ADAM12: variants seen among roughly 807,000 people sequenced by gnomAD.
The protein encoded by ADAM12 is ADAM metallopeptidase domain 12, also known as disintegrin and metalloproteinase domain-containing protein 12.
In ADAM12, 70 loss-of-function variants were observed where a neutral mutation model predicts 106.4. The observed-to-expected ratio is 0.66, with a 90% confidence interval of 0.54 to 0.80. ADAM12 has a LOEUF of 0.80. ADAM12 is among the 30% of genes least tolerant of loss of function. ADAM12 has a pLI of 0.00. For missense variants in ADAM12, 1,010 were observed against 1,171.9 expected (o/e 0.86, Z 2.02); for synonymous variants, 420 against 433.5 (o/e 0.97, Z 0.39).
At chr10:126,031,266 T>G (rs528344935) in intron 21 of ADAM12, among the ~76,000 whole-genome samples, 16 of 152,344 alleles carry the variant, frequency 1.1e-4, no homozygotes, top group African/African-American at 3.8e-4. Context: ...CAAATGGGTC[T>G]TCTTTTTCTC....
chr10:126,065,001 G>A lies in ADAM12; in HGVS notation c.1414C>T (p.Leu472=). 6.2e-7 allele frequency: 1 copy of A among 1,607,904 alleles called. No individual in the cohort carries two copies. Among genetic ancestry groups the A allele is most frequent in the Non-Finnish European group, 8.5e-7 (1 of 1,177,074 alleles). Residue 472 remains leucine, a splice_region_variant and synonymous_variant, in exon 14 of 23, where the codon CTG becomes TTG. Coordinates refer to ENST00000448723, the MANE Select transcript of ADAM12 (RefSeq NM_001288973.2). The stretch of plus-strand genomic sequence containing the variant: ...CTGCACGCTGTTCCTGCAGGCTTCA[G>A]CTGGAAGGAGAGGGCCATTTATGAC... The part of the protein sequence containing the change: ...AHGLCCEDCQ[L]KPAGTACRDS...
At chr10:126,277,224 G>A (rs1219225562) in intron 3 of ADAM12, among the ~76,000 whole-genome samples, 1 of 152,082 alleles carries the variant, frequency 6.6e-6, no homozygotes, top group Non-Finnish European at 1.5e-5. Flanking sequence ...CCCCTATAAT[G>A]TTCAGTTTTC....
In ADAM12 at chr10:126,108,657, C is replaced by G. The variant is rs984095456; in HGVS notation, c.677G>C (p.Arg226Thr). ...VIVADNREFQ[R>T]QGKDLEKVKQ... ...AACTTTTTCCAGATCTTTTCCTTGC[C>G]TCTGAAACTTAACAATTTTAAATGG... Residue 226 changes from arginine (R) to threonine (T), a missense_variant, in exon 8 of 23, where the codon AGG (arginine) becomes ACG (threonine). Arg to Thr is a moderately conservative substitution (Grantham distance 71). This residue lies in a region of ADAM12 where 391 missense variants were observed against 442.9 expected (regional missense o/e 0.88). Coordinates refer to ENST00000448723, the MANE Select transcript of ADAM12 (RefSeq NM_001288973.2). 1 of 1,613,798 alleles carries G rather than the reference C, an allele frequency of 6.2e-7. No individual in the cohort carries two copies.
In ADAM12 at chr10:126,303,921, T is replaced by C. The variant is rs544330426; in HGVS notation, c.187-24933A>G. ...GGTATACTATTATTTGACAGTAGAC[T>C]ATGAATACATTATAGAACCATACTA... On this transcript the variant is annotated intron_variant, in intron 2 of 22. Transcript: ENST00000448723. 5.3e-5 allele frequency among the ~76,000 whole-genome samples: 8 copies of C among 152,362 alleles called. No individual in the cohort carries two copies. In the East Asian group the frequency reaches 1.2e-3, roughly 22 times the overall value.
chr10:126,103,602 G>A (rs1375264511), intron 8 of ADAM12, among the ~76,000 whole-genome samples: 3 of 152,180 alleles, frequency 2.0e-5, no homozygotes, highest in East Asian at 1.9e-4. Flanking sequence ...TAACCCTGAC[G>A]CTCATGTTTG....
At chr10:126,361,610 C>T (rs963397375) in intron 1 of ADAM12, among the ~76,000 whole-genome samples, 2 of 152,072 alleles carry the variant, frequency 1.3e-5, no homozygotes, top group Non-Finnish European at 2.9e-5. Flanking sequence ...TGGAATAGAA[C>T]AGAGAGCCCA....
rs191667229 is a variant in ADAM12 at position 126,249,268 on chromosome 10, T to A, written c.260+29647A>T. On this transcript the variant is annotated intron_variant, in intron 3 of 22. Coordinates refer to ENST00000448723, the MANE Select transcript of ADAM12 (RefSeq NM_001288973.2). ...GCCACACAGCTAATGGCCAATAGAATCCAATGCAAACACTCTACTCTCCAC... is the reference window on the plus strand; with the variant it reads ...GCCACACAGCTAATGGCCAATAGAAACCAATGCAAACACTCTACTCTCCAC... 2.1e-3 allele frequency among the ~76,000 whole-genome samples: 306 copies of A among 146,908 alleles called. 2 individuals carry two copies. The highest frequency in any genetic ancestry group is 7.6e-3 in the African/African-American group (298 of 39,254).
At chr10:126,207,849 A>G (rs982151043) in intron 3 of ADAM12, among the ~76,000 whole-genome samples, 1 of 152,164 alleles carries the variant, frequency 6.6e-6, no homozygotes, top group African/African-American at 2.4e-5. Context: ...TCCAGGATAT[A>G]TTGTTGATAA....
At chr10:126,165,043 G>T (rs1956999772) in intron 3 of ADAM12, among the ~76,000 whole-genome samples, 1 of 152,118 alleles carries the variant, frequency 6.6e-6, no homozygotes, top group Non-Finnish European at 1.5e-5. Flanking sequence ...TCATGGTCTG[G>T]GTTCTCATCT....
intron 5 of ADAM12, among the ~76,000 whole-genome samples, chr10:126,125,753 G>C (rs773376234): frequency 6.6e-6 from 1 of 151,904 alleles, no homozygotes; most frequent in Non-Finnish European, 1.5e-5. Context: ...CTTTGCAAAT[G>C]TAATTAGATT....
intron 3 of ADAM12, among the ~76,000 whole-genome samples, chr10:126,166,203 T>C (rs1006666): frequency 0.1 from 15,222 of 152,234 alleles, 901 homozygotes; most frequent in East Asian, 0.17. Context: ...GTTATGATTG[T>C]CTTTTGGGAC....
intron 2 of ADAM12, among the ~76,000 whole-genome samples, chr10:126,295,548 T>TACACACACACACACACACACAC: frequency 6.8e-6 from 1 of 146,636 alleles, no homozygotes; most frequent in Non-Finnish European, 1.5e-5. Flanking sequence ...CACACACACA[T>TACACACACACACACACACACAC]ACACACACAC....
rs74415957 is a variant in ADAM12 at position 126,041,013 on chromosome 10, A to C, written c.2105-1584T>G. On this transcript the variant is annotated intron_variant, in intron 18 of 22. Coordinates refer to ENST00000448723, the MANE Select transcript of ADAM12 (RefSeq NM_001288973.2). Reference sequence around the variant, plus strand: ...CCTCTAGATCTTCGCACAGCCAGCTATCTCGGCTTCAGAATGCATGTTTCC... The same window carrying C: ...CCTCTAGATCTTCGCACAGCCAGCTCTCTCGGCTTCAGAATGCATGTTTCC... Among the ~76,000 whole-genome samples the C allele has an allele frequency of 2.5e-4, 38 of 152,224 alleles. No individual in the cohort carries two copies. The East Asian group carries it at 6.8e-3, about 27-fold the overall frequency.
Position 126,365,584 on chromosome 10 carries a change from G to A in ADAM12, c.88+22474C>T, listed in dbSNP as rs117585275. On this transcript the variant is annotated intron_variant, in intron 1 of 22. Transcript: ENST00000448723. ...GATCATAGCAAAGGGCAAAGGTGAC[G>A]AAAGCCACCTTCTTCACAGGGAGGC... Among the ~76,000 whole-genome samples, 1,240 of 152,240 alleles carry A rather than the reference G, an allele frequency of 8.1e-3. 17 individuals are homozygous for A. Among genetic ancestry groups the A allele is most frequent in the Non-Finnish European group, 0.012 (814 of 68,004 alleles).
At chr10:126,317,619 G>T (rs1853929277) in intron 2 of ADAM12, among the ~76,000 whole-genome samples, 4 of 151,998 alleles carry the variant, frequency 2.6e-5, no homozygotes, top group South Asian at 2.1e-4. Flanking sequence ...TTTAAGAAAT[G>T]TTTTTTTCCC....
chr10:126,382,057 C>A (rs898274660), intron 1 of ADAM12, among the ~76,000 whole-genome samples: 3 of 151,954 alleles, frequency 2.0e-5, no homozygotes, highest in African/African-American at 7.3e-5. Context: ...AAGTTGTTAC[C>A]TATTTAGCAG....
intron 3 of ADAM12, among the ~76,000 whole-genome samples, chr10:126,163,456 TGTAGGTAAA>T (rs779332220): frequency 6.6e-6 from 1 of 152,256 alleles, no homozygotes; most frequent in Non-Finnish European, 1.5e-5. Context: ...AATATTACCA[TGTAGGTAAA>T]GTTCTTCCTG....
At chr10:126,100,473 G>C (rs1188998914) in intron 9 of ADAM12, among the ~76,000 whole-genome samples, 2 of 151,850 alleles carry the variant, frequency 1.3e-5, no homozygotes, top group Admixed American at 6.6e-5. Context: ...GGAGGCCGAG[G>C]TGGGCGGATC....
intron 6 of ADAM12, among the ~76,000 whole-genome samples, chr10:126,114,197 C>T (rs577526019): frequency 6.6e-6 from 1 of 152,254 alleles, no homozygotes; most frequent in Admixed American, 6.5e-5. Context: ...ACCTGGCCGA[C>T]ATGTAGGCGG....
Sources: gnomAD v4.1 joint callset for allele counts (sites outside exome capture counted in the v4.1 genomes callset) on GRCh38, gnomAD v4.1.1 for gene constraint, gnomAD v4.1.1 regional missense constraint, MANE v1.5 for transcripts, NCBI Gene and HGNC (gene_info 2026-07-23, HGNC 2026-07-21) for gene names.